The following PRDM2 variants were observed in gnomAD, a reference collection of about 807,000 sequenced individuals.
PRDM2 encodes the protein PR domain zinc finger protein 2.
PRDM2 carries 30 observed loss-of-function variants against 130.0 expected under a neutral mutation model. That is an observed-to-expected ratio of 0.23 (90% CI 0.17 to 0.31). PRDM2 has a LOEUF of 0.31. PRDM2 is among the 10% of genes least tolerant of loss of function. PRDM2 has a pLI of 1.00. For synonymous variants in PRDM2, 871 were observed against 782.4 expected (o/e 1.11, Z -1.89); for missense variants, 2,011 against 2,108.4 (o/e 0.95, Z 0.90).
intron 2 of PRDM2, among the ~76,000 whole-genome samples, chr1:13,729,877 G>T (rs988471399): frequency 2.6e-5 from 4 of 152,162 alleles, no homozygotes; most frequent in Admixed American, 6.5e-5. Context: ...ATGACTGTGA[G>T]ATTTATTTCT....
intron 8 of PRDM2, among the ~76,000 whole-genome samples, chr1:13,805,672 A>G (rs1017700617): frequency 7.9e-5 from 12 of 152,230 alleles, no homozygotes; most frequent in African/African-American, 1.9e-4. Flanking sequence ...ACTGACTTCA[A>G]ATGAATTGCA....
rs954086262 is a variant in PRDM2, at chr1:13,728,824, C to T, written c.10-2176C>T. Among the ~76,000 whole-genome samples, 7 of 152,136 alleles carry T rather than the reference C, an allele frequency of 4.6e-5. No individual in the cohort carries two copies. In the East Asian group the frequency reaches 5.8e-4, roughly 13 times the overall value. ...TGCTGAGGTCCTTCATGTTCTCGGG[C>T]GCTTCAGAAATTTTAATACATGTGA... On this transcript the variant is annotated intron_variant, in intron 2 of 9. Coordinates refer to ENST00000311066, the MANE Select transcript of PRDM2 (RefSeq NM_001393986.1).
chr1:13,743,996 T>C (rs1643529394), intron 5 of PRDM2, among the ~76,000 whole-genome samples: 1 of 152,218 alleles, frequency 6.6e-6, no homozygotes, highest in South Asian at 2.1e-4. Context: ...GAAATACATA[T>C]GGTTGAATCA....
chr1:13,801,402 T>G (rs1307431916), intron 8 of PRDM2, among the ~76,000 whole-genome samples: 2 of 152,132 alleles, frequency 1.3e-5, no homozygotes, highest in African/African-American at 4.8e-5. Flanking sequence ...GATGACAACC[T>G]GTCTCCTCTT....
Position 13,779,734 on chromosome 1 carries a change from C to A in PRDM2, c.1939C>A (p.Leu647Met), listed in dbSNP as rs371607603. 4 of 1,614,034 alleles carry A rather than the reference C, an allele frequency of 2.5e-6. No individual in the cohort carries two copies. The highest frequency in any genetic ancestry group is 1.3e-5 in the African/African-American group (1 of 74,932). The part of the protein sequence containing the change: ...KKRRTASPPA[L>M]PKIKAETDSD... ...GCGGAGAACTGCGAGCCCACCTGCA[C>A]TGCCCAAAATTAAGGCCGAAACAGA... The change falls in exon 8 of 10, where the codon CTG becomes ATG. Residue 647 changes from leucine to methionine, a missense_variant. Around this residue, in one of 5 missense-constraint regions of PRDM2, gnomAD observed 1,288 missense variants for 1,237.7 expected, o/e 1.04. Coordinates refer to ENST00000311066, the MANE Select transcript of PRDM2 (RefSeq NM_001393986.1). The surrounding 1 kb of genome is among the most constrained non-coding windows in gnomAD (Gnocchi z 4.9).
rs1367914042 is a variant in PRDM2, at chr1:13,803,695, CG to C, written c.5037-12727del. ...TGGCAGCAAAAGAGGCAGCCACAGC[CG>C]GGGGCTTTCCCCGCGGGCAGGTTCT... On this transcript the variant is annotated intron_variant, in intron 8 of 9. Transcript: ENST00000311066. The surrounding 1 kb of genome is among the most constrained non-coding windows in gnomAD (Gnocchi z 6.2). Among the ~76,000 whole-genome samples, 5 of 152,304 alleles carry C rather than the reference CG, an allele frequency of 3.3e-5. No homozygotes were observed. The highest frequency in any genetic ancestry group is 3.3e-4 in the Admixed American group (5 of 15,296).
intron 6 of PRDM2, 91 bp downstream of exon 6, chr1:13,749,578 G>C: frequency 1.1e-6 from 1 of 888,542 alleles, no homozygotes; most frequent in Non-Finnish European, 1.4e-6. Context: ...GCCCGACCGC[G>C]AGGCGGGTCG....
chr1:13,723,894 G>A (rs1333036338), intron 2 of PRDM2, among the ~76,000 whole-genome samples: 1 of 152,216 alleles, frequency 6.6e-6, no homozygotes, highest in African/African-American at 2.4e-5. Context: ...GTATCGAGGC[G>A]AGTAAGCACA....
At chr1:13,755,976 G>A (rs1023014628) in intron 6 of PRDM2, among the ~76,000 whole-genome samples, 5 of 151,816 alleles carry the variant, frequency 3.3e-5, no homozygotes, top group Non-Finnish European at 7.4e-5. Context: ...TGGAGGCTGG[G>A]CGCAATGGCT....
chr1:13,781,959 C>T lies in PRDM2; in HGVS notation c.4164C>T (p.Asn1388=). 6.2e-7 allele frequency: 1 copy of T among 1,614,148 alleles called. No homozygotes were observed. Among genetic ancestry groups the T allele is most frequent in the Non-Finnish European group, 8.5e-7 (1 of 1,180,024 alleles). ...AAAATGGCGTGGTGGTTTTAGATAA[C>T]TCTGGGAAAAATGCCTTCCGACGAA... ...QPKNGVVVLD[N]SGKNAFRRMG... Residue 1388 remains asparagine (N), a synonymous_variant, in exon 8 of 10, where the codon AAC becomes AAT. Coordinates refer to ENST00000311066, the MANE Select transcript of PRDM2 (RefSeq NM_001393986.1). This position sits in a 1 kb window ranked among gnomAD's most constrained non-coding sequence, Gnocchi z 6.1.
chr1:13,705,225 A>T (rs1201928977), intron 1 of PRDM2: 1 of 152,146 alleles, frequency 6.6e-6, no homozygotes, highest in Non-Finnish European at 1.5e-5. Context: ...GAAGACTATG[A>T]TTAGTCTTTT....
At position 13,816,530 on chromosome 1, in the gene PRDM2, C is replaced by T; in HGVS notation, c.5140C>T (p.Pro1714Ser). ...TCCAGCTGCAGCCCAGTTCCAGGGA[C>T]CATTCTTCAAAGAGTAGACACTCTG... ...KAPAAAQFQG[P>S]FFKE Residue 1714 changes from proline to serine, a missense_variant, in exon 9 of 10, where the codon CCA becomes TCA. Pro to Ser is a moderately conservative substitution (Grantham distance 74). Around this residue, in one of 5 missense-constraint regions of PRDM2, gnomAD observed 410 missense variants for 395.9 expected, o/e 1.04. Coordinates refer to ENST00000311066, the MANE Select transcript of PRDM2 (RefSeq NM_001393986.1). The T allele has an allele frequency of 3.1e-6, 5 of 1,614,142 alleles. No individual in the cohort carries two copies. Among genetic ancestry groups the T allele is most frequent in the Non-Finnish European group, 4.2e-6 (5 of 1,179,992 alleles).
Position 13,750,431 on chromosome 1 carries a change from A to G in PRDM2, c.511+944A>G, listed in dbSNP as rs570621065. Among the ~76,000 whole-genome samples, 7 of 150,962 alleles carry G rather than the reference A, an allele frequency of 4.6e-5. 2 individuals carry two copies. The highest frequency in any genetic ancestry group is 1.7e-4 in the African/African-American group (7 of 41,140). ...TTTGCTCTCCTTAGGTCTTAAGTAG[A>G]TTTCTTTTTAGTCATCTGAACGAAC... On this transcript the variant is annotated intron_variant, in intron 6 of 9. Coordinates refer to ENST00000311066, the MANE Select transcript of PRDM2 (RefSeq NM_001393986.1).
chr1:13,731,943 T>A (rs769786561), intron 3 of PRDM2, among the ~76,000 whole-genome samples: 1 of 152,212 alleles, frequency 6.6e-6, no homozygotes, highest in Non-Finnish European at 1.5e-5. Flanking sequence ...CTCAACTGAT[T>A]GTTGACTTAC....
rs149572989 is a variant in PRDM2 at position 13,821,030 on chromosome 1, C to G, written c.*24-2129C>G. On this transcript the variant is annotated intron_variant, in intron 9 of 9. Transcript: ENST00000311066. The stretch of plus-strand genomic sequence containing the variant: ...ACATCCCACTCCCCCGCAAACAGCC[C>G]TTTCCAGCCCCATCAGACATTTCAG... Among the ~76,000 whole-genome samples, 487 of 49,886 alleles carry G rather than the reference C, an allele frequency of 9.8e-3. 1 individual carries two copies. The highest frequency in any genetic ancestry group is 0.048 in the African/African-American group (465 of 9,778). 32.7% of individuals were successfully genotyped at this position (49,886 alleles called of 152,430 possible). A position where few individuals can be genotyped will look rare whatever the true frequency, so the allele number is the denominator to read the frequency against.
intron 6 of PRDM2, among the ~76,000 whole-genome samples, chr1:13,763,504 A>G (rs1009233141): frequency 9.2e-5 from 14 of 152,106 alleles, no homozygotes; most frequent in African/African-American, 3.4e-4. Context: ...TTTTTTCCTG[A>G]ACGGTTTTCC....
At chr1:13,807,718 G>A (rs960524126) in intron 8 of PRDM2, among the ~76,000 whole-genome samples, 3 of 152,318 alleles carry the variant, frequency 2.0e-5, no homozygotes, top group Middle Eastern at 6.8e-3. Flanking sequence ...GCATCCTTGA[G>A]GCCAGGAACA....
intron 7 of PRDM2, chr1:13,773,818 C>CA (rs1349931746): frequency 6.6e-6 from 1 of 152,178 alleles, no homozygotes; most frequent in Non-Finnish European, 1.5e-5. Context: ...CATGAGGAGG[C>CA]ACCTGGGGTG....
At chr1:13,738,804 G>A (rs1016939552) in intron 4 of PRDM2, 43 of 152,268 alleles carry the variant, frequency 2.8e-4, no homozygotes, top group African/African-American at 9.9e-4. Context: ...TGAAGTAGTT[G>A]ATACTGAAGA....
Sources: gnomAD v4.1 joint callset for allele counts (sites outside exome capture counted in the v4.1 genomes callset) on GRCh38, gnomAD v4.1.1 for gene constraint, gnomAD v4.1.1 regional missense constraint, Gnocchi (gnomAD v3.1) non-coding constraint, MANE v1.5 for transcripts, NCBI Gene and HGNC (gene_info 2026-07-23, HGNC 2026-07-21) for gene names.